SHANK2: variants seen among roughly 807,000 people sequenced by gnomAD.
SHANK2 encodes the protein SH3 and multiple ankyrin repeat domains 2.
Under a neutral mutation model 133.7 loss-of-function variants are expected in SHANK2, and 43 were observed. The ratio of observed to expected loss-of-function variants is 0.32; its 90% CI spans 0.25 to 0.41. The LOEUF (loss-of-function observed/expected upper bound fraction) is 0.41, where lower values mean the gene tolerates loss of function less well. Among genes scored for constraint, SHANK2 ranks in the 10% least tolerant of loss-of-function variants. SHANK2 has a pLI of 1.00. For synonymous variants in SHANK2, 1,017 were observed against 952.8 expected, an observed-to-expected ratio of 1.07 and a Z score of -1.24; for missense variants, 1,994 against 2,235.8, an observed-to-expected ratio of 0.89 and a Z score of 2.18.
chr11:71,168,223 G>A (rs1212935627), intron 2 of SHANK2, among the ~76,000 whole-genome samples: 3 of 134,138 alleles, frequency 2.2e-5, no homozygotes, highest in African/African-American at 6.0e-5. Flanking sequence ...CATCTCAGAC[G>A]ATGGGCGGCT....
chr11:70,833,147 G>A (rs1312916208), intron 11 of SHANK2, among the ~76,000 whole-genome samples: 4 of 152,250 alleles, frequency 2.6e-5, no homozygotes, highest in Non-Finnish European at 4.4e-5. Flanking sequence ...GATGCAGAAG[G>A]AGCAACTCAC....
intron 17 of SHANK2, among the ~76,000 whole-genome samples, chr11:70,575,380 A>C (rs1226313398): frequency 2.0e-5 from 3 of 152,072 alleles, no homozygotes; most frequent in African/African-American, 4.8e-5. Context: ...TCAGCTGGGC[A>C]TGGTGGTGGG....
At chr11:71,106,260 A>G (rs1409407025) in intron 6 of SHANK2, among the ~76,000 whole-genome samples, 1 of 152,248 alleles carries the variant, frequency 6.6e-6, no homozygotes, top group Non-Finnish European at 1.5e-5. Context: ...GCCATTTGGC[A>G]ACAACCAGGA....
intron 11 of SHANK2, among the ~76,000 whole-genome samples, chr11:70,829,543 T>C (rs1257234564): frequency 6.6e-6 from 1 of 152,016 alleles, no homozygotes; most frequent in African/African-American, 2.4e-5. Context: ...CCATCTGGTT[T>C]GGGGGCATGC....
At chr11:70,634,063 C>G (rs1555003119) in intron 17 of SHANK2, 1 of 152,132 alleles carries the variant, frequency 6.6e-6, no homozygotes, top group African/African-American at 2.4e-5. Flanking sequence ...GACTGGAGAC[C>G]TGGGGACATA....
chr11:70,638,735 G>A (rs2061138916), intron 17 of SHANK2, among the ~76,000 whole-genome samples: 3 of 152,230 alleles, frequency 2.0e-5, no homozygotes, highest in South Asian at 2.1e-4. Context: ...AGCCGGGCAC[G>A]GTGGCTCACA....
intron 10 of SHANK2, among the ~76,000 whole-genome samples, chr11:70,933,699 C>A (rs1422577236): frequency 6.6e-6 from 1 of 151,840 alleles, no homozygotes; most frequent in African/African-American, 2.4e-5. Flanking sequence ...GCGGATGGAT[C>A]ACATGAGGTC....
intron 9 of SHANK2, among the ~76,000 whole-genome samples, chr11:71,068,318 G>A (rs1429086784): frequency 6.6e-6 from 1 of 152,220 alleles, no homozygotes; most frequent in South Asian, 2.1e-4. Context: ...GCTTGGCACA[G>A]TCCTAGACAA....
At chr11:70,624,072 T>A (rs1554998908) in intron 17 of SHANK2, among the ~76,000 whole-genome samples, 1 of 151,458 alleles carries the variant, frequency 6.6e-6, no homozygotes, top group Non-Finnish European at 1.5e-5. Flanking sequence ...CAGCCTTGGG[T>A]GTGGACTTCT....
chr11:71,225,283 C>G (rs1322345028), intron 1 of SHANK2, among the ~76,000 whole-genome samples: 1 of 152,182 alleles, frequency 6.6e-6, no homozygotes, highest in African/African-American at 2.4e-5. Context: ...CAGCAAAGGC[C>G]GAGTAGGGAG....
intron 10 of SHANK2, among the ~76,000 whole-genome samples, chr11:70,932,873 G>A (rs999903967): frequency 6.6e-6 from 1 of 152,256 alleles, no homozygotes; most frequent in Non-Finnish European, 1.5e-5. Flanking sequence ...ACAAGTGCTG[G>A]TGAGAATGTG....
rs143954805 is a variant in SHANK2, at chr11:70,832,527, A to G, written c.1175-11845T>C. On this transcript the variant is annotated intron_variant, in intron 11 of 25. Transcript: ENST00000601538. ...TGTCCAGCCCTCCTCCCTGCCCTGC[A>G]CACTGGCAGTGATCCCTAGTGCTCT... Among the ~76,000 whole-genome samples the G allele has an allele frequency of 5.5e-3, 845 of 152,314 alleles. 12 individuals are homozygous for G. Among genetic ancestry groups the G allele is most frequent in the African/African-American group, 0.019 (793 of 41,578 alleles).
At chr11:71,183,712 C>A (rs922692339) in intron 2 of SHANK2, among the ~76,000 whole-genome samples, 40 of 152,218 alleles carry the variant, frequency 2.6e-4, no homozygotes, top group African/African-American at 7.9e-4. Context: ...CCAAAGACCA[C>A]CCAGGCCCAC....
intron 1 of SHANK2, among the ~76,000 whole-genome samples, chr11:71,247,484 T>TTA (rs1555125165): frequency 0.013 from 1,897 of 146,044 alleles, 14 homozygotes; most frequent in Middle Eastern, 0.028. Context: ...CTGTTTTTTT[T>TTA]AAAAAAAACA....
At chr11:70,492,281 C>T in intron 22 of SHANK2, 54 bp downstream of exon 22, 1 of 1,601,010 alleles carries the variant, frequency 6.2e-7, no homozygotes, top group East Asian at 2.2e-5. Context: ...AGCCCACCCA[C>T]TTCCTGGGCA....
chr11:70,833,337 C>T (rs948549850), intron 11 of SHANK2, among the ~76,000 whole-genome samples: 7 of 152,234 alleles, frequency 4.6e-5, no homozygotes, highest in Non-Finnish European at 8.8e-5. Flanking sequence ...GCACAGTGAC[C>T]GCCTGACATC....
At chr11:70,641,160 A>C (rs1207519085) in intron 17 of SHANK2, among the ~76,000 whole-genome samples, 1 of 144,070 alleles carries the variant, frequency 6.9e-6, no homozygotes, top group Non-Finnish European at 1.5e-5. Flanking sequence ...CAGTGGCATG[A>C]TCTTGGCTCA....
intron 17 of SHANK2, 58 bp from the exon 18 acceptor site, chr11:70,502,989 G>A: frequency 6.3e-7 from 1 of 1,597,958 alleles, no homozygotes; most frequent in Non-Finnish European, 8.6e-7. Context: ...AAGACAGTTG[G>A]CACCCACCCA....
chr11:70,918,897 G>A (rs1565405537), intron 10 of SHANK2, among the ~76,000 whole-genome samples: 2 of 152,162 alleles, frequency 1.3e-5, no homozygotes, highest in Non-Finnish European at 2.9e-5. Flanking sequence ...AGGCACAGTG[G>A]CTCAGCCTGT....
Sources: gnomAD v4.1 joint callset for allele counts (sites outside exome capture counted in the v4.1 genomes callset) on GRCh38, gnomAD v4.1.1 for gene constraint, MANE v1.5 for transcripts, NCBI Gene and HGNC (gene_info 2026-07-23, HGNC 2026-07-21) for gene names.